Variants in PDE8B observed in about 807,000 individuals in gnomAD.
PDE8B encodes high affinity cAMP-specific and IBMX-insensitive 3',5'-cyclic phosphodiesterase 8B.
A neutral mutation model predicts 101.3 loss-of-function variants in PDE8B; 26 were observed. That is an observed-to-expected ratio of 0.26 (90% confidence interval 0.19 to 0.36). The LOEUF (loss-of-function observed/expected upper bound fraction) is 0.36, where lower values mean the gene tolerates loss of function less well. PDE8B is among the 10% of genes least tolerant of loss of function. The pLI is 1.00. For missense variants in PDE8B, 810 were observed against 1,163.1 expected (o/e 0.70, Z 4.42); for synonymous variants, 424 against 429.3 (o/e 0.99, Z 0.15).
chr5:77,223,356 G>A (rs1751612604), intron 1 of PDE8B, among the ~76,000 whole-genome samples: 1 of 147,790 alleles, frequency 6.8e-6, no homozygotes, highest in Non-Finnish European at 1.5e-5. Context: ...TTAGCATTAG[G>A]TATATCTCCT....
chr5:77,137,618 T>G, the PDE8B span, among the ~76,000 whole-genome samples: 1 of 152,156 alleles, frequency 6.6e-6, no homozygotes, highest in African/African-American at 2.4e-5. Flanking sequence ...GGAATTCCAG[T>G]GTCAGCAAGT....
the PDE8B span, among the ~76,000 whole-genome samples, chr5:77,149,130 T>A: frequency 6.6e-6 from 1 of 152,190 alleles, no homozygotes; most frequent in Admixed American, 6.5e-5. Flanking sequence ...AGACTATCCT[T>A]TCCCCATTGA....
intron 10 of PDE8B, among the ~76,000 whole-genome samples, chr5:77,386,691 C>T (rs957429672): frequency 1.3e-5 from 2 of 151,942 alleles, no homozygotes; most frequent in Non-Finnish European, 2.9e-5. Context: ...AGATGAGTCT[C>T]CTGAATACAG....
At chr5:77,379,610 G>T (rs1191799485) in intron 10 of PDE8B, among the ~76,000 whole-genome samples, 1 of 152,134 alleles carries the variant, frequency 6.6e-6, no homozygotes, top group South Asian at 2.1e-4. Context: ...CTTGTGGGTG[G>T]CTTTGAGAGC....
At chr5:77,285,958 TGA>T (rs1243240832) in intron 1 of PDE8B, among the ~76,000 whole-genome samples, 5 of 152,210 alleles carry the variant, frequency 3.3e-5, no homozygotes, top group Non-Finnish European at 7.3e-5. Flanking sequence ...TATTTTTGGC[TGA>T]GAGTTCTTCT....
At chr5:77,141,436 A>T in the PDE8B span, 3 of 152,290 alleles carry the variant, frequency 2.0e-5, no homozygotes, top group East Asian at 3.9e-4. Flanking sequence ...AAGGCATCTA[A>T]CCCACCTGCT....
chr5:77,367,519 T>C lies in PDE8B; in HGVS notation c.1167+14113T>C, dbSNP rs1352641715. On this transcript the variant is annotated intron_variant, in intron 10 of 21. Transcript: ENST00000264917. ...AACTGGAAGCCTGGGGAGTTCCTTC[T>C]CTTTTTCTCTCTTTTTTTTTTTTTT... 3.7e-5 allele frequency among the ~76,000 whole-genome samples: 5 copies of C among 136,622 alleles called. No homozygotes were observed. The East Asian group carries it at 8.8e-4, about 24-fold the overall frequency. The allele number at this position is 136,622 out of a possible 152,430, so 89.6% of individuals were successfully genotyped here.
At chr5:77,126,083 G>A in the PDE8B span, among the ~76,000 whole-genome samples, 5 of 152,176 alleles carry the variant, frequency 3.3e-5, no homozygotes, top group African/African-American at 7.2e-5. Flanking sequence ...TCAGGAGATC[G>A]AGACCATCCT....
chr5:77,115,394 T>G, the PDE8B span: 1 of 152,154 alleles, frequency 6.6e-6, no homozygotes, highest in African/African-American at 2.4e-5. Flanking sequence ...CAAAGCATAC[T>G]AGGAATATAA....
At chr5:77,089,841 G>A in the PDE8B span, among the ~76,000 whole-genome samples, 5 of 152,084 alleles carry the variant, frequency 3.3e-5, no homozygotes, top group African/African-American at 9.7e-5. Context: ...AGGGATTCTT[G>A]TACTCCCGTT....
chr5:77,189,384 A>G, the PDE8B span, among the ~76,000 whole-genome samples: 1 of 152,126 alleles, frequency 6.6e-6, no homozygotes, highest in Non-Finnish European at 1.5e-5. Context: ...GAAAGGATGC[A>G]AGTGTCAGAT....
At chr5:77,163,943 A>G in the PDE8B span, among the ~76,000 whole-genome samples, 1 of 152,080 alleles carries the variant, frequency 6.6e-6, no homozygotes, top group East Asian at 1.9e-4. Flanking sequence ...TCTTCTTTGT[A>G]CTCTGCTGTC....
intron 1 of PDE8B, among the ~76,000 whole-genome samples, chr5:77,286,588 G>C (rs544599419): frequency 1.3e-5 from 2 of 148,876 alleles, no homozygotes; most frequent in South Asian, 2.1e-4. Flanking sequence ...GTCATTTTTT[G>C]TGTGTTTTGT....
At chr5:77,112,691 T>G in the PDE8B span, 1 of 152,124 alleles carries the variant, frequency 6.6e-6, no homozygotes, top group African/African-American at 2.4e-5. Context: ...GAGAAAGAAA[T>G]AAAGTGTATT....
the PDE8B span, among the ~76,000 whole-genome samples, chr5:77,185,827 A>T: frequency 6.6e-6 from 1 of 152,128 alleles, no homozygotes; most frequent in East Asian, 1.9e-4. Flanking sequence ...AGCAAATTTT[A>T]TTGATGGCAT....
At chr5:77,215,461 G>A (rs967081181) in intron 1 of PDE8B, among the ~76,000 whole-genome samples, 6 of 152,120 alleles carry the variant, frequency 3.9e-5, no homozygotes, top group African/African-American at 1.4e-4. Flanking sequence ...ACATTAATTA[G>A]AATGAATGAG....
At chr5:77,179,587 T>C in the PDE8B span, among the ~76,000 whole-genome samples, 3 of 152,214 alleles carry the variant, frequency 2.0e-5, no homozygotes, top group African/African-American at 7.2e-5. Flanking sequence ...AGACATTTAG[T>C]GATAGCAGCT....
the PDE8B span, among the ~76,000 whole-genome samples, chr5:77,204,525 C>T: frequency 0.043 from 6,602 of 152,154 alleles, 214 homozygotes; most frequent in African/African-American, 0.089. Context: ...TCCTTAAGGG[C>T]GGTAGAACCT....
chr5:77,189,831 C>T, the PDE8B span, among the ~76,000 whole-genome samples: 1 of 152,082 alleles, frequency 6.6e-6, no homozygotes, highest in Admixed American at 6.5e-5. Context: ...GGAGAATAGC[C>T]TGAGGGAAGC....
Sources: gnomAD v4.1 joint callset for allele counts (sites outside exome capture counted in the v4.1 genomes callset) on GRCh38, gnomAD v4.1.1 for gene constraint, MANE v1.5 for transcripts, NCBI Gene and HGNC (gene_info 2026-07-23, HGNC 2026-07-21) for gene names.